Variants in KCNQ3 observed in about 807,000 individuals in gnomAD.
KCNQ3 encodes the protein potassium voltage-gated channel subfamily KQT member 3.
Under a neutral mutation model 92.5 loss-of-function variants are expected in KCNQ3, and 30 were observed. The observed-to-expected ratio is 0.32, with a 90% CI of 0.24 to 0.44. The LOEUF is 0.44. KCNQ3 is among the 20% of genes least tolerant of loss of function. KCNQ3 has a pLI of 1.00. For synonymous variants in KCNQ3, 450 were observed against 468.8 expected, an observed-to-expected ratio of 0.96 and a Z score of 0.52; for missense variants, 913 against 1,140.3, an observed-to-expected ratio of 0.80 and a Z score of 2.87.
Position 132,260,422 on chromosome 8 carries a change from C to A in KCNQ3, c.387-74241G>T, listed in dbSNP as rs180845775. Among the ~76,000 whole-genome samples, 132 of 152,106 alleles carry A rather than the reference C, an allele frequency of 8.7e-4. 1 individual carries two copies. The highest frequency in any genetic ancestry group is 3.1e-3 in the African/African-American group (130 of 41,490). On this transcript the variant is annotated intron_variant, in intron 1 of 14. Transcript: ENST00000388996. ...GTCATGAACACAGCAGAAAATAAAT[C>A]TTTCTTCTTGAGGAGCTTACATTCC...
intron 1 of KCNQ3, among the ~76,000 whole-genome samples, chr8:132,463,241 G>A (rs765867499): frequency 3.3e-5 from 5 of 152,152 alleles, no homozygotes; most frequent in Non-Finnish European, 7.3e-5. Flanking sequence ...CAAGTAACAA[G>A]AAGTATTTGG....
At chr8:132,244,929 A>AG (rs1429765281) in intron 1 of KCNQ3, among the ~76,000 whole-genome samples, 1 of 151,882 alleles carries the variant, frequency 6.6e-6, no homozygotes, top group Non-Finnish European at 1.5e-5. Context: ...CCAAAAAAAA[A>AG]AAAAAAAAAA....
chr8:132,254,815 G>T (rs1207463266), intron 1 of KCNQ3, among the ~76,000 whole-genome samples: 1 of 152,120 alleles, frequency 6.6e-6, no homozygotes, highest in East Asian at 1.9e-4. Flanking sequence ...GGAGACAGAG[G>T]TTGCAATGGG....
At chr8:132,239,002 T>G (rs1814905091) in intron 1 of KCNQ3, among the ~76,000 whole-genome samples, 1 of 152,222 alleles carries the variant, frequency 6.6e-6, no homozygotes, top group Non-Finnish European at 1.5e-5. Flanking sequence ...ATGAAATACT[T>G]TATGGGCTGG....
chr8:132,375,514 T>C (rs1357673623), intron 1 of KCNQ3, among the ~76,000 whole-genome samples: 1 of 152,176 alleles, frequency 6.6e-6, no homozygotes, highest in Non-Finnish European at 1.5e-5. Context: ...ACATGAAATC[T>C]TAGTATCATG....
At chr8:132,340,600 A>C (rs1035412861) in intron 1 of KCNQ3, among the ~76,000 whole-genome samples, 7 of 151,960 alleles carry the variant, frequency 4.6e-5, no homozygotes, top group Non-Finnish European at 1.0e-4. Flanking sequence ...ATCACACACC[A>C]GGGCCTATTG....
At chr8:132,323,601 G>A (rs1014535397) in intron 1 of KCNQ3, among the ~76,000 whole-genome samples, 5 of 152,100 alleles carry the variant, frequency 3.3e-5, no homozygotes, top group African/African-American at 7.2e-5. Context: ...CTAAAACCAC[G>A]ATTGGGCTTA....
chr8:132,175,702 A>G lies in KCNQ3; in HGVS notation c.778-94T>C, dbSNP rs925650628. On this transcript the variant is annotated intron_variant, in intron 4 of 14. Transcript: ENST00000388996. ...CACACCAGAGTTAGAGTCCAAGTTT[A>G]CCAGCTCTGTGACTGTGGTCAAATC... 5 of 1,204,742 alleles carry G rather than the reference A, an allele frequency of 4.2e-6. No homozygotes were observed. The African/African-American group carries it at 4.5e-5, about 11-fold the overall frequency. 74.6% of individuals were successfully genotyped at this position (1,204,742 alleles called of 1,614,324 possible). A position where few individuals can be genotyped will look rare whatever the true frequency, so the allele number is the denominator to read the frequency against.
At chr8:132,455,121 G>C (rs1821910478) in intron 1 of KCNQ3, among the ~76,000 whole-genome samples, 2 of 152,130 alleles carry the variant, frequency 1.3e-5, no homozygotes, top group Non-Finnish European at 2.9e-5. Flanking sequence ...TAGTTAAAAT[G>C]GTAAATTTTT....
At chr8:132,327,845 C>A (rs1408953672) in intron 1 of KCNQ3, among the ~76,000 whole-genome samples, 1 of 152,126 alleles carries the variant, frequency 6.6e-6, no homozygotes, top group East Asian at 1.9e-4. Flanking sequence ...ATGAAGCCCC[C>A]CATGGTGTGG....
intron 1 of KCNQ3, among the ~76,000 whole-genome samples, chr8:132,336,806 C>T (rs1400774854): frequency 6.6e-6 from 1 of 152,182 alleles, no homozygotes; most frequent in African/African-American, 2.4e-5. Flanking sequence ...CAACTCATAG[C>T]TCTCTCACTC....
intron 1 of KCNQ3, among the ~76,000 whole-genome samples, chr8:132,386,280 TA>T (rs1349605265): frequency 1.3e-5 from 2 of 152,070 alleles, no homozygotes; most frequent in Non-Finnish European, 2.9e-5. Flanking sequence ...TTCAATGGAA[TA>T]TTTTTTACTC....
At chr8:132,184,499 T>G in intron 2 of KCNQ3, 132 bp from the exon 3 acceptor site, 77 of 640,958 alleles carry the variant, frequency 1.2e-4, no homozygotes, top group East Asian at 2.8e-4. Flanking sequence ...CAGGGATGGC[T>G]GGGGATGGGG....
intron 3 of KCNQ3, among the ~76,000 whole-genome samples, chr8:132,180,995 C>T (rs556923037): frequency 1.4e-4 from 22 of 152,212 alleles, no homozygotes; most frequent in East Asian, 3.9e-4. Context: ...GCACTGTCAA[C>T]GCCCCCACAC....
chr8:132,140,448 C>G, intron 10 of KCNQ3: 1 of 427,134 alleles, frequency 2.3e-6, no homozygotes, highest in East Asian at 4.4e-5. Context: ...GAGAAGTGAG[C>G]TCCGCAGTTC....
At chr8:132,436,937 G>T (rs1368156680) in intron 1 of KCNQ3, among the ~76,000 whole-genome samples, 1 of 152,144 alleles carries the variant, frequency 6.6e-6, no homozygotes, top group Non-Finnish European at 1.5e-5. Flanking sequence ...TTCAGGACAG[G>T]CTTTTCAGGA....
chr8:132,369,238 A>T (rs1043557991), intron 1 of KCNQ3, among the ~76,000 whole-genome samples: 8 of 152,124 alleles, frequency 5.3e-5, no homozygotes, highest in African/African-American at 1.9e-4. Context: ...TGTGTTTCTT[A>T]GGTTTCTGTA....
At chr8:132,131,946 G>A (rs961531726) in intron 14 of KCNQ3, among the ~76,000 whole-genome samples, 1 of 152,054 alleles carries the variant, frequency 6.6e-6, no homozygotes, top group African/African-American at 2.4e-5. Context: ...AAATTAGCTG[G>A]GCATGATGGC....
At chr8:132,277,177 A>T (rs575216369) in intron 1 of KCNQ3, among the ~76,000 whole-genome samples, 4 of 152,390 alleles carry the variant, frequency 2.6e-5, no homozygotes, top group South Asian at 4.1e-4. Context: ...TCTACAAGGT[A>T]GATGCCATCA....
Sources: allele counts gnomAD v4.1 joint callset (sites outside exome capture counted in the v4.1 genomes callset), GRCh38; gene constraint gnomAD v4.1.1; transcripts MANE v1.5; gene names NCBI Gene and HGNC (gene_info 2026-07-23, HGNC 2026-07-21).